RAI1: variants seen among roughly 807,000 people sequenced by gnomAD.
RAI1 encodes the protein retinoic acid-induced protein 1.
In RAI1, 9 loss-of-function variants were observed where a neutral mutation model predicts 123.8. That is an observed-to-expected ratio of 0.07 (90% confidence interval 0.04 to 0.13). The LOEUF (loss-of-function observed/expected upper bound fraction) is 0.13, where lower values mean the gene tolerates loss of function less well. Among genes scored for constraint, RAI1 ranks in the 10% least tolerant of loss-of-function variants. The pLI is 1.00. For missense variants in RAI1, 2,256 were observed against 2,545.8 expected (o/e 0.89, Z 2.45); for synonymous variants, 1,231 against 1,127.3 (o/e 1.09, Z -1.84).
chr17:17,738,241 A>C (rs75204305), intron 2 of RAI1, among the ~76,000 whole-genome samples: 2,306 of 124,954 alleles, frequency 0.018, 46 homozygotes, highest in African/African-American at 0.057. Flanking sequence ...AGCATGAGGG[A>C]GTGAGTACCA....
In RAI1 at chr17:17,800,043, G is replaced by A. The variant is rs1056382693; in HGVS notation, c.5565+1530G>A. Among the ~76,000 whole-genome samples the A allele has an allele frequency of 1.3e-5, 2 of 152,248 alleles. No homozygotes were observed. Among genetic ancestry groups the A allele is most frequent in the South Asian group, 2.1e-4 (1 of 4,818 alleles). On this transcript the variant is annotated intron_variant, in intron 3 of 5. Coordinates refer to ENST00000353383, the MANE Select transcript of RAI1 (RefSeq NM_030665.4). The surrounding 1 kb of genome is among the most constrained non-coding windows in gnomAD (Gnocchi z 4.7). ...ACTCCACCCTCCACCTCAGAGGAAG[G>A]CTGGCCCCGACAGGACTCCTGCAGG...
rs1459075281 is a variant in RAI1, at chr17:17,794,043, A to G, written c.1095A>G (p.Pro365=). 1 of 1,613,908 alleles carries G rather than the reference A, an allele frequency of 6.2e-7. No individual in the cohort carries two copies. Among genetic ancestry groups the G allele is most frequent in the South Asian group, 1.1e-5 (1 of 91,080 alleles). ...GTTCCACACCGTCGCCGCTGATGCC[A>G]AACCTGGAGAACTTTCCCTACAGCC... The part of the protein sequence containing the change: ...SYSSTPSPLM[P]NLENFPYSQQ... Residue 365 remains proline (P), a synonymous_variant, in exon 3 of 6, where the codon CCA becomes CCG. Coordinates refer to ENST00000353383, the MANE Select transcript of RAI1 (RefSeq NM_030665.4).
chr17:17,707,775 G>T (rs1276871916), intron 1 of RAI1, among the ~76,000 whole-genome samples: 1 of 152,120 alleles, frequency 6.6e-6, no homozygotes, highest in Non-Finnish European at 1.5e-5. Context: ...TGTATTTTTG[G>T]TAGAGACGGG....
intron 1 of RAI1, among the ~76,000 whole-genome samples, chr17:17,722,272 A>G (rs371807355): frequency 7.9e-5 from 12 of 152,232 alleles, no homozygotes; most frequent in African/African-American, 1.9e-4. Context: ...TGGATGGATG[A>G]ATGAATGAAT....
chr17:17,698,672 T>C (rs1401242049), intron 1 of RAI1, among the ~76,000 whole-genome samples: 1 of 152,202 alleles, frequency 6.6e-6, no homozygotes, highest in Non-Finnish European at 1.5e-5. Context: ...TGTGGAGGCA[T>C]TGAGGCCCCT....
Position 17,795,215 on chromosome 17 carries a change from C to T in RAI1, c.2267C>T (p.Pro756Leu). The T allele has an allele frequency of 1.9e-6, 3 of 1,614,016 alleles. No individual in the cohort carries two copies. Among genetic ancestry groups the T allele is most frequent in the Non-Finnish European group, 1.7e-6 (2 of 1,180,026 alleles). Residue 756 changes from proline to leucine, a missense_variant, in exon 3 of 6, where the codon CCC becomes CTC. This residue lies in a region of RAI1 where 566 missense variants were observed against 616.0 expected (regional missense o/e 0.92). Coordinates refer to ENST00000353383, the MANE Select transcript of RAI1 (RefSeq NM_030665.4). This position sits in a 1 kb window ranked among gnomAD's most constrained non-coding sequence, Gnocchi z 5.9. ...GAGGAAAACCTGGGGGATGCTTGTC[C>T]CAGGTGGGGATTGCACCCTGGCGAG... ...WPEENLGDAC[P>L]RWGLHPGELT... is the part of the protein sequence containing the mutation.
Position 17,796,470 on chromosome 17 carries a change from CAAG to C in RAI1, c.3526_3528del (p.Lys1176del). 6.2e-7 allele frequency: 1 copy of C among 1,612,232 alleles called. No homozygotes were observed. Among genetic ancestry groups the C allele is most frequent in the Non-Finnish European group, 8.5e-7 (1 of 1,179,932 alleles). ...GCCGGCTCCCCAACTGCCGTGCCAC[CAAG>C]AAGCTCCTCGACAACAGCCACTTGC... On this transcript the variant is annotated inframe_deletion, in exon 3 of 6. Transcript: ENST00000353383. This position sits in a 1 kb window ranked among gnomAD's most constrained non-coding sequence, Gnocchi z 5.8.
rs1462900119 is a variant in RAI1 at position 17,810,028 on chromosome 17, C to T, written c.*47C>T. The T allele has an allele frequency of 1.3e-6, 2 of 1,542,588 alleles. No homozygotes were observed. The highest frequency in any genetic ancestry group is 1.7e-6 in the Non-Finnish European group (2 of 1,144,456). On this transcript the variant is annotated 3_prime_UTR_variant, in exon 6 of 6. Coordinates refer to ENST00000353383, the MANE Select transcript of RAI1 (RefSeq NM_030665.4). This position sits in a 1 kb window ranked among gnomAD's most constrained non-coding sequence, Gnocchi z 4.6. The stretch of plus-strand genomic sequence containing the variant: ...GGAGCCGCCGGAGCCCGCCTGCCCG[C>T]CCGCCGCCGAAGGAGAGGAGCCGCC...
At chr17:17,774,888 C>T (rs2031282119) in intron 2 of RAI1, among the ~76,000 whole-genome samples, 2 of 152,154 alleles carry the variant, frequency 1.3e-5, no homozygotes, top group African/African-American at 4.8e-5. Context: ...GCACAGGGAA[C>T]TTGAGTTGCC....
In RAI1 at chr17:17,797,260, G is replaced by C. The variant is rs769075860; in HGVS notation, c.4312G>C (p.Gly1438Arg). 3 of 1,612,382 alleles carry C rather than the reference G, an allele frequency of 1.9e-6. No individual in the cohort carries two copies. Among genetic ancestry groups the C allele is most frequent in the Middle Eastern group, 1.7e-4 (1 of 6,048 alleles). ...AFTSPEALQP[G>R]GTALAPKKRS... is the part of the protein sequence containing the mutation. Reference sequence around the variant, plus strand: ...CACATCCCCGGAGGCCCTGCAGCCTGGGGGGACTGCCCTGGCGCCTAAGAA... The same window carrying C: ...CACATCCCCGGAGGCCCTGCAGCCTCGGGGGACTGCCCTGGCGCCTAAGAA... The change falls in exon 3 of 6, where the codon GGG becomes CGG. Residue 1438 changes from glycine to arginine, a missense_variant. Physicochemically the swap from Gly to Arg is moderately radical, Grantham distance 125 (BLOSUM62 -2). Coordinates refer to ENST00000353383, the MANE Select transcript of RAI1 (RefSeq NM_030665.4).
chr17:17,709,667 G>A (rs938470031), intron 1 of RAI1, among the ~76,000 whole-genome samples: 9 of 152,216 alleles, frequency 5.9e-5, no homozygotes, highest in African/African-American at 1.9e-4. Context: ...GGGCCAAGGA[G>A]CTGCTGGGCC....
chr17:17,730,821 TGGA>T (rs1010180453), intron 2 of RAI1, among the ~76,000 whole-genome samples: 5 of 152,314 alleles, frequency 3.3e-5, no homozygotes, highest in African/African-American at 1.2e-4. Flanking sequence ...GAGGGTAGGC[TGGA>T]GGAGGCCTTT....
At chr17:17,720,674 G>A (rs9897309) in intron 1 of RAI1, among the ~76,000 whole-genome samples, 75,011 of 152,048 alleles carry the variant, frequency 0.49, 19,499 homozygotes, top group African/African-American at 0.6. Flanking sequence ...ATTGAGAGTC[G>A]GATGGGATCC....
intron 1 of RAI1, among the ~76,000 whole-genome samples, chr17:17,700,703 C>T (rs1915192217): frequency 6.6e-6 from 1 of 152,096 alleles, no homozygotes; most frequent in Non-Finnish European, 1.5e-5. Flanking sequence ...AGGCCGCAGT[C>T]CGGCCCCTCT....
rs763216602 is a variant in RAI1, at chr17:17,795,538, G to A, written c.2590G>A (p.Asp864Asn). ...PLLPPTSRKE[D>N]LEAEEEYSSL... ...GCTGCCACCCACCAGCAGGAAGGAGGACCTGGAAGCTGAGGAGGAGTACTC... is the reference window on the plus strand; with the variant it reads ...GCTGCCACCCACCAGCAGGAAGGAGAACCTGGAAGCTGAGGAGGAGTACTC... Residue 864 changes from aspartate (D) to asparagine (N), a missense_variant, in exon 3 of 6, where the codon GAC (aspartate) becomes AAC (asparagine). Coordinates refer to ENST00000353383, the MANE Select transcript of RAI1 (RefSeq NM_030665.4). The surrounding 1 kb of genome is among the most constrained non-coding windows in gnomAD (Gnocchi z 5.9). 6.2e-6 allele frequency: 10 copies of A among 1,603,470 alleles called. 1 individual carries two copies. Among genetic ancestry groups the A allele is most frequent in the Middle Eastern group, 3.3e-4 (2 of 6,056 alleles).
intron 2 of RAI1, chr17:17,765,860 A>G (rs2030906582): frequency 6.6e-6 from 1 of 152,294 alleles, no homozygotes; most frequent in South Asian, 2.1e-4. Context: ...GAAGCCAAGC[A>G]TGGGTAATCC....
Position 17,809,519 on chromosome 17 carries a change from CT to C in RAI1, c.5709+81del, listed in dbSNP as rs1250428432. On this transcript the variant is annotated intron_variant, in intron 5 of 5. Transcript: ENST00000353383. The surrounding 1 kb of genome is among the most constrained non-coding windows in gnomAD (Gnocchi z 4.9). ...CACCTCGCACCTCCTTCACAGTCCC[CT>C]GGGCCCCCTTGGCTGCGCAGCCCCG... 2.1e-6 allele frequency: 3 copies of C among 1,448,510 alleles called. No homozygotes were observed. In the African/African-American group the frequency reaches 4.2e-5, roughly 20 times the overall value. 89.7% of individuals were successfully genotyped at this position (1,448,510 alleles called of 1,614,324 possible).
Position 17,794,919 on chromosome 17 carries a change from G to T in RAI1, c.1971G>T (p.Ala657=). The T allele has an allele frequency of 6.2e-7, 1 of 1,613,574 alleles. No individual in the cohort carries two copies. The highest frequency in any genetic ancestry group is 8.5e-7 in the Non-Finnish European group (1 of 1,180,020). ...GCCTGGACTCTGTGGCCAAGAGTGC[G>T]TGGCCCCGGCCTGGGGAGCCGGAGG... ...SACLDSVAKS[A]WPRPGEPEAL... is the part of the protein sequence containing the mutation. The change falls in exon 3 of 6, where the codon GCG becomes GCT. Residue 657 remains alanine (A), a synonymous_variant. Transcript: ENST00000353383.
At chr17:17,703,808 G>A (rs1162383788) in intron 1 of RAI1, among the ~76,000 whole-genome samples, 1 of 152,200 alleles carries the variant, frequency 6.6e-6, no homozygotes, top group Non-Finnish European at 1.5e-5. Flanking sequence ...GCCTAGCTGG[G>A]ACTGTTTTCA....
Sources: gnomAD v4.1 joint callset for allele counts (sites outside exome capture counted in the v4.1 genomes callset) on GRCh38, gnomAD v4.1.1 for gene constraint, gnomAD v4.1.1 regional missense constraint, Gnocchi (gnomAD v3.1) non-coding constraint, MANE v1.5 for transcripts, NCBI Gene and HGNC (gene_info 2026-07-23, HGNC 2026-07-21) for gene names.